CCDC7: variants seen among roughly 807,000 people sequenced by gnomAD.
CCDC7 encodes coiled-coil domain containing 7, also known as coiled-coil domain-containing protein 7.
A neutral mutation model predicts 196.9 loss-of-function variants in CCDC7; 183 were observed. That is an observed-to-expected ratio of 0.93 (90% CI 0.82 to 1.05). The LOEUF (loss-of-function observed/expected upper bound fraction) is 1.05, where lower values mean the gene tolerates loss of function less well. Among genes scored for constraint, CCDC7 ranks in the 50% least tolerant of loss-of-function variants. The pLI is 0.00. For synonymous variants in CCDC7, 525 were observed against 484.6 expected, an observed-to-expected ratio of 1.08 and a Z score of -1.10; for missense variants, 1,540 against 1,482.2, an observed-to-expected ratio of 1.04 and a Z score of -0.64.
chr10:32,798,107 AATCATTGTATGC>A (rs2083996302), intron 29 of CCDC7, among the ~76,000 whole-genome samples: 1 of 152,224 alleles, frequency 6.6e-6, no homozygotes, highest in African/African-American at 2.4e-5. Flanking sequence ...GTTTTGGCAG[AATCATTGTATGC>A]ATCATAGGCA....
At chr10:32,620,579 A>G (rs1016107903) in intron 18 of CCDC7, among the ~76,000 whole-genome samples, 2 of 151,542 alleles carry the variant, frequency 1.3e-5, no homozygotes, top group Non-Finnish European at 2.9e-5. Context: ...ATTTTTGTGA[A>G]TGTTTTAATC....
chr10:32,865,070 G>A (rs2094153455), intron 41 of CCDC7, among the ~76,000 whole-genome samples: 1 of 151,772 alleles, frequency 6.6e-6, no homozygotes, highest in South Asian at 2.1e-4. Context: ...AAATAAATTA[G>A]TAACCATTAA....
At chr10:32,850,521 C>T (rs1352587230) in intron 39 of CCDC7, among the ~76,000 whole-genome samples, 1 of 152,082 alleles carries the variant, frequency 6.6e-6, no homozygotes, top group Non-Finnish European at 1.5e-5. Context: ...AACATCAATA[C>T]AAGTAGGCAA....
At chr10:32,563,700 G>A (rs1212474223) in intron 13 of CCDC7, among the ~76,000 whole-genome samples, 2 of 152,252 alleles carry the variant, frequency 1.3e-5, no homozygotes, top group African/African-American at 4.8e-5. Context: ...AAAAACCCTA[G>A]AAGAAAACCT....
At chr10:32,652,992 G>T (rs1212504152) in intron 20 of CCDC7, among the ~76,000 whole-genome samples, 1 of 152,186 alleles carries the variant, frequency 6.6e-6, no homozygotes. Context: ...AGGTTTGGAT[G>T]TGGTAAGTTT....
intron 8 of CCDC7, among the ~76,000 whole-genome samples, chr10:32,479,311 A>C (rs2039554473): frequency 6.6e-6 from 1 of 152,104 alleles, no homozygotes; most frequent in Non-Finnish European, 1.5e-5. Flanking sequence ...CTTAGAGGAA[A>C]ATCTTTCAAC....
intron 20 of CCDC7, among the ~76,000 whole-genome samples, chr10:32,643,822 A>C (rs1266568943): frequency 2.0e-5 from 3 of 148,396 alleles, no homozygotes; most frequent in Non-Finnish European, 4.6e-5. Context: ...TTTGAAAATT[A>C]ATTTGGTCTT....
At chr10:32,760,747 A>G (rs1183395104) in intron 28 of CCDC7, among the ~76,000 whole-genome samples, 3 of 150,396 alleles carry the variant, frequency 2.0e-5, no homozygotes, top group Non-Finnish European at 4.4e-5. Flanking sequence ...AAGTATAATA[A>G]TAATAAAATT....
chr10:32,740,577 TG>T (rs2085658497), intron 28 of CCDC7, among the ~76,000 whole-genome samples: 1 of 152,144 alleles, frequency 6.6e-6, no homozygotes, highest in Non-Finnish European at 1.5e-5. Flanking sequence ...TGTGAAGGGG[TG>T]GTCCTGGAAC....
At chr10:32,771,385 A>C (rs1407645586) in intron 28 of CCDC7, among the ~76,000 whole-genome samples, 1 of 152,168 alleles carries the variant, frequency 6.6e-6, no homozygotes, top group African/African-American at 2.4e-5. Flanking sequence ...GGAGATTGAA[A>C]CTTAGTTTTG....
At chr10:32,788,238 A>G (rs7915888) in intron 29 of CCDC7, among the ~76,000 whole-genome samples, 21,909 of 151,670 alleles carry the variant, frequency 0.14, 1,927 homozygotes, top group African/African-American at 0.25. Context: ...CTTCACATGT[A>G]CCTGAGGCTC....
intron 18 of CCDC7, among the ~76,000 whole-genome samples, chr10:32,610,390 C>G (rs1191224267): frequency 6.6e-6 from 1 of 152,142 alleles, no homozygotes; most frequent in African/African-American, 2.4e-5. Flanking sequence ...AGGCGTGAGC[C>G]AACGCACCCG....
At chr10:32,858,459 A>G (rs1424498349) in intron 41 of CCDC7, among the ~76,000 whole-genome samples, 2 of 152,164 alleles carry the variant, frequency 1.3e-5, no homozygotes, top group South Asian at 4.1e-4. Flanking sequence ...ATTGAAAACA[A>G]CAACAAAATT....
chr10:32,772,115 G>A (rs1018704329), intron 28 of CCDC7, among the ~76,000 whole-genome samples: 1 of 152,220 alleles, frequency 6.6e-6, no homozygotes, highest in Non-Finnish European at 1.5e-5. Context: ...TGGTGGGTTT[G>A]TACTCTGAGT....
chr10:32,524,305 TTTG>T (rs1387874453), intron 11 of CCDC7, among the ~76,000 whole-genome samples: 2 of 152,272 alleles, frequency 1.3e-5, no homozygotes, highest in East Asian at 3.9e-4. Flanking sequence ...CATCCACTTG[TTTG>T]TTAATTGTTT....
At position 32,463,005 on chromosome 10, in the gene CCDC7, G is replaced by C; in HGVS notation, c.478-12G>C. Reference sequence around the variant, plus strand: ...CTATTTCTTTTTTTGTCCCTCTTTTGTTTTCTTAAAGTGGTTTCAGTGGCA... The same window carrying C: ...CTATTTCTTTTTTTGTCCCTCTTTTCTTTTCTTAAAGTGGTTTCAGTGGCA... On this transcript the variant is annotated splice_polypyrimidine_tract_variant and intron_variant, in intron 4 of 41. Coordinates refer to ENST00000639629, the Ensembl canonical transcript of CCDC7. 6.2e-7 allele frequency: 1 copy of C among 1,613,118 alleles called. No homozygotes were observed. Among genetic ancestry groups the C allele is most frequent in the Non-Finnish European group, 8.5e-7 (1 of 1,179,588 alleles).
chr10:32,538,089 A>G (rs2050811292), intron 11 of CCDC7, among the ~76,000 whole-genome samples: 1 of 152,090 alleles, frequency 6.6e-6, no homozygotes, highest in Non-Finnish European at 1.5e-5. Context: ...GGGCAGTATG[A>G]CCATTTTAAC....
chr10:32,846,870 AT>A (rs1235210106), intron 37 of CCDC7, among the ~76,000 whole-genome samples: 3 of 152,340 alleles, frequency 2.0e-5, no homozygotes, highest in Admixed American at 2.0e-4. Flanking sequence ...CATTCCTTCT[AT>A]TTGATAAAAA....
At chr10:32,717,045 A>G (rs527642351) in intron 25 of CCDC7, among the ~76,000 whole-genome samples, 3 of 152,316 alleles carry the variant, frequency 2.0e-5, no homozygotes, top group South Asian at 2.1e-4. Flanking sequence ...ATAGACATCT[A>G]CAGAACTCTC....
Sources: gnomAD v4.1 joint callset for allele counts (sites outside exome capture counted in the v4.1 genomes callset) on GRCh38, gnomAD v4.1.1 for gene constraint, MANE v1.5 for transcripts, NCBI Gene and HGNC (gene_info 2026-07-23, HGNC 2026-07-21) for gene names.